Variants in SLC24A4 observed in about 807,000 individuals in gnomAD.
SLC24A4 encodes the protein solute carrier family 24 member 4, also known as sodium/potassium/calcium exchanger 4.
Under a neutral mutation model 79.0 loss-of-function variants are expected in SLC24A4, and 53 were observed. The observed-to-expected ratio is 0.67, with a 90% CI of 0.54 to 0.84. The LOEUF is 0.84. SLC24A4 is among the 40% of genes least tolerant of loss of function. The pLI is 0.00. For missense variants in SLC24A4, 731 were observed against 822.0 expected (o/e 0.89, Z 1.35); for synonymous variants, 323 against 323.8 (o/e 1.00, Z 0.03).
Position 92,496,568 on chromosome 14 carries a change from T to C in SLC24A4, c.*2940T>C, listed in dbSNP as rs1895929294. The C allele has an allele frequency of 6.6e-6, 1 of 152,150 alleles. No individual in the cohort carries two copies. The highest frequency in any genetic ancestry group is 2.4e-5 in the African/African-American group (1 of 41,440). The allele number at this position is 152,150 out of a possible 1,614,324, so 9.4% of individuals were successfully genotyped here. On this transcript the variant is annotated 3_prime_UTR_variant, in exon 17 of 17. Transcript: ENST00000532405. ...TGGACTTCTGGTTTGGAATTTTGCC[T>C]CACCAGGTCAAGCGTGGTTAGGGTG...
At chr14:92,435,624 C>T (rs918783505) in intron 3 of SLC24A4, among the ~76,000 whole-genome samples, 1 of 152,120 alleles carries the variant, frequency 6.6e-6, no homozygotes, top group East Asian at 1.9e-4. Flanking sequence ...TTAAGCCCAA[C>T]CCAGTATTAA....
At chr14:92,447,570 G>A in intron 9 of SLC24A4, 146 bp downstream of exon 9, 1 of 764,726 alleles carries the variant, frequency 1.3e-6, no homozygotes, top group South Asian at 1.7e-5. Context: ...CCTGCTGGGG[G>A]ACAGCTGGAG....
At chr14:92,433,023 A>G (rs2402142) in intron 2 of SLC24A4, among the ~76,000 whole-genome samples, 55,642 of 152,040 alleles carry the variant, frequency 0.37, 11,457 homozygotes, top group East Asian at 0.67. Context: ...TTATTCAGTC[A>G]ATTACTAAGG....
intron 2 of SLC24A4, among the ~76,000 whole-genome samples, chr14:92,393,288 G>A (rs1889587045): frequency 6.6e-6 from 1 of 152,240 alleles, no homozygotes; most frequent in African/African-American, 2.4e-5. Flanking sequence ...AAACGGTCAG[G>A]TTGGATTGAC....
chr14:92,400,214 G>C (rs1181001284), intron 2 of SLC24A4, among the ~76,000 whole-genome samples: 1 of 152,168 alleles, frequency 6.6e-6, no homozygotes, highest in African/African-American at 2.4e-5. Flanking sequence ...GCCAAGGCGG[G>C]CAGATCACGA....
intron 12 of SLC24A4, among the ~76,000 whole-genome samples, chr14:92,457,735 G>A (rs966571516): frequency 1.3e-5 from 2 of 152,214 alleles, no homozygotes; most frequent in Admixed American, 1.3e-4. Flanking sequence ...ATTCTTGGAG[G>A]CGTTTTTTCT....
rs1326520668 is a variant in SLC24A4, at chr14:92,434,080, T to C, written c.318+92T>C. On this transcript the variant is annotated intron_variant, in intron 3 of 16. Transcript: ENST00000532405. ...GAGCCGTGGCGTGTCTGAGATCTTT[T>C]ATTCTTGTAACAGCCCAGTGAGGAG... 8.9e-6 allele frequency: 9 copies of C among 1,011,314 alleles called. No homozygotes were observed. The East Asian group carries it at 1.9e-4, about 21-fold the overall frequency. 62.6% of individuals were successfully genotyped at this position (1,011,314 alleles called of 1,614,324 possible). A position where few individuals can be genotyped will look rare whatever the true frequency, so the allele number is the denominator to read the frequency against.
chr14:92,408,960 A>G (rs1168985309), intron 2 of SLC24A4, among the ~76,000 whole-genome samples: 1 of 152,204 alleles, frequency 6.6e-6, no homozygotes, highest in African/African-American at 2.4e-5. Flanking sequence ...TTTCTGAAAG[A>G]GAAAAGGTGT....
chr14:92,488,918 T>A lies in SLC24A4; in HGVS notation c.1537+2138T>A, dbSNP rs543965763. 1.1e-4 allele frequency among the ~76,000 whole-genome samples: 17 copies of A among 152,116 alleles called. No individual in the cohort carries two copies. The East Asian group carries it at 3.3e-3, about 29-fold the overall frequency. On this transcript the variant is annotated intron_variant, in intron 14 of 16. Coordinates refer to ENST00000532405, the MANE Select transcript of SLC24A4 (RefSeq NM_153646.4). ...GGGAGGGGTGTTAGGATGCTGGAAG[T>A]TTAAGGGCTTGCAGGAGTGGGGAGT...
chr14:92,454,153 G>A, intron 11 of SLC24A4, 84 bp downstream of exon 11: 13 of 1,417,406 alleles, frequency 9.2e-6, no homozygotes, highest in Non-Finnish European at 1.3e-5. Context: ...TGGTGCCATT[G>A]ATCACTGCAC....
chr14:92,466,036 G>T (rs973804552), intron 12 of SLC24A4, among the ~76,000 whole-genome samples: 1 of 152,128 alleles, frequency 6.6e-6, no homozygotes, highest in Non-Finnish European at 1.5e-5. Flanking sequence ...TGCCCTGAGG[G>T]TCATCAAAAC....
At chr14:92,389,057 T>C (rs1889324786) in intron 2 of SLC24A4, among the ~76,000 whole-genome samples, 2 of 152,046 alleles carry the variant, frequency 1.3e-5, no homozygotes, top group Non-Finnish European at 2.9e-5. Flanking sequence ...GTAAACTGGG[T>C]GGGGAGGCAG....
In SLC24A4 at chr14:92,449,136, C is replaced by G. The variant is rs148253052; in HGVS notation, c.800C>G (p.Pro267Arg). ...CAAAAGAGCATTGCAAACGGTAACCCGGTCAACAGTGAGCTGGAGGCTGGT... is the reference window on the plus strand; with the variant it reads ...CAAAAGAGCATTGCAAACGGTAACCGGGTCAACAGTGAGCTGGAGGCTGGT... ...VKQKSIANGN[P>R]VNSELEAGND... Residue 267 changes from proline to arginine, a missense_variant, in exon 10 of 17, where the codon CCG (proline) becomes CGG (arginine). Transcript: ENST00000532405. The G allele has an allele frequency of 6.2e-7, 1 of 1,614,178 alleles. No individual in the cohort carries two copies. The highest frequency in any genetic ancestry group is 1.1e-5 in the South Asian group (1 of 91,088).
chr14:92,438,281 C>T (rs1892287648), intron 3 of SLC24A4, among the ~76,000 whole-genome samples: 1 of 152,196 alleles, frequency 6.6e-6, no homozygotes, highest in Non-Finnish European at 1.5e-5. Context: ...GTTTGACTTC[C>T]ATTTACCAAT....
chr14:92,475,673 G>T (rs1041594214), intron 12 of SLC24A4, among the ~76,000 whole-genome samples: 1 of 152,072 alleles, frequency 6.6e-6, no homozygotes, highest in Non-Finnish European at 1.5e-5. Context: ...CATTTAAGAA[G>T]TCATTGCCTA....
chr14:92,358,238 T>C (rs8013152), intron 2 of SLC24A4, among the ~76,000 whole-genome samples: 117,685 of 152,034 alleles, frequency 0.77, 45,679 homozygotes, highest in East Asian at 0.93. Context: ...GTTAAATGCA[T>C]GCAACTGGGA....
chr14:92,483,289 G>A lies in SLC24A4; in HGVS notation c.1422+443G>A, dbSNP rs924633285. Among the ~76,000 whole-genome samples the A allele has an allele frequency of 2.6e-5, 4 of 152,266 alleles. No homozygotes were observed. In the South Asian group the frequency reaches 6.2e-4, roughly 24 times the overall value. Reference sequence around the variant, plus strand: ...ATGCTCCTCCCCCCACTGATGTGCTGGTGCTGGTTTAAGCCCTTCATATAA... The same window carrying A: ...ATGCTCCTCCCCCCACTGATGTGCTAGTGCTGGTTTAAGCCCTTCATATAA... On this transcript the variant is annotated intron_variant, in intron 13 of 16. Coordinates refer to ENST00000532405, the MANE Select transcript of SLC24A4 (RefSeq NM_153646.4).
chr14:92,433,486 A>G (rs1435043495), intron 2 of SLC24A4, among the ~76,000 whole-genome samples: 1 of 152,080 alleles, frequency 6.6e-6, no homozygotes, highest in Non-Finnish European at 1.5e-5. Flanking sequence ...GCTGGGTCAT[A>G]TGGTCTATGC....
At chr14:92,422,423 C>G (rs1259408232) in intron 2 of SLC24A4, among the ~76,000 whole-genome samples, 1 of 152,212 alleles carries the variant, frequency 6.6e-6, no homozygotes, top group Non-Finnish European at 1.5e-5. Flanking sequence ...GTTAGACAGT[C>G]AAGTGCTGTT....
Sources: allele counts gnomAD v4.1 joint callset (sites outside exome capture counted in the v4.1 genomes callset), GRCh38; gene constraint gnomAD v4.1.1; transcripts MANE v1.5; gene names NCBI Gene and HGNC (gene_info 2026-07-23, HGNC 2026-07-21).